DLGAP1: variants seen among roughly 807,000 people sequenced by gnomAD.
DLGAP1 encodes DLG associated protein 1.
In DLGAP1, 11 loss-of-function variants were observed where a neutral mutation model predicts 90.8. The observed-to-expected ratio is 0.12, with a 90% CI of 0.08 to 0.20. The LOEUF (loss-of-function observed/expected upper bound fraction) is 0.20. Among genes scored for constraint, DLGAP1 ranks in the 10% least tolerant of loss-of-function variants. The probability of loss-of-function intolerance (pLI) is 1.00; values close to 1 mark genes in which losing one functional copy is unlikely to be tolerated. For synonymous variants in DLGAP1, 558 were observed against 540.7 expected, an observed-to-expected ratio of 1.03 and a Z score of -0.44; for missense variants, 1,050 against 1,333.8, an observed-to-expected ratio of 0.79 and a Z score of 3.31.
chr18:3,546,359 G>A (rs1344569730), intron 9 of DLGAP1, among the ~76,000 whole-genome samples: 1 of 150,126 alleles, frequency 6.7e-6, no homozygotes, highest in Admixed American at 6.7e-5. Context: ...AGGTTGCAGT[G>A]AGCCAAGATA....
intron 3 of DLGAP1, among the ~76,000 whole-genome samples, chr18:3,980,193 T>C (rs531066673): frequency 4.0e-5 from 6 of 151,518 alleles, no homozygotes; most frequent in East Asian, 3.9e-4. Flanking sequence ...AAAAAGATAA[T>C]GGGAGATAGA....
At chr18:4,348,400 ATGTGTGTGTGTG>A (rs71160958) in intron 1 of DLGAP1, among the ~76,000 whole-genome samples, 48 of 133,564 alleles carry the variant, frequency 3.6e-4, no homozygotes, top group African/African-American at 1.1e-3. Context: ...GAACTCAGGA[ATGTGTGTGTGTG>A]TGTGTGTGTG....
chr18:3,694,382 T>C (rs951377357), intron 7 of DLGAP1, among the ~76,000 whole-genome samples: 2 of 152,238 alleles, frequency 1.3e-5, no homozygotes, highest in Admixed American at 6.5e-5. Context: ...GAATGATTTA[T>C]AATCCTTTGG....
intron 1 of DLGAP1, among the ~76,000 whole-genome samples, chr18:4,407,310 T>C (rs1016010795): frequency 3.3e-5 from 5 of 152,216 alleles, no homozygotes; most frequent in Admixed American, 3.3e-4. Flanking sequence ...TTTTTCCCTT[T>C]AGAGAAAGAG....
At chr18:3,953,555 G>A (rs556293767) in intron 3 of DLGAP1, among the ~76,000 whole-genome samples, 1 of 129,314 alleles carries the variant, frequency 7.7e-6, no homozygotes, top group Admixed American at 8.2e-5. Flanking sequence ...TCATATATAT[G>A]TACACTACAT....
At chr18:3,745,415 C>T (rs16945338) in intron 5 of DLGAP1, among the ~76,000 whole-genome samples, 3,000 of 152,186 alleles carry the variant, frequency 0.02, 82 homozygotes, top group African/African-American at 0.06. Context: ...GATTTCCTTA[C>T]GGAGTTTAGA....
chr18:4,197,179 A>T (rs1247992904), intron 1 of DLGAP1, among the ~76,000 whole-genome samples: 1 of 146,480 alleles, frequency 6.8e-6, no homozygotes, highest in Non-Finnish European at 1.5e-5. Flanking sequence ...TCTCAAATTT[A>T]AAAAAAAGTA....
intron 1 of DLGAP1, among the ~76,000 whole-genome samples, chr18:4,347,236 C>A (rs190019700): frequency 6.6e-6 from 1 of 151,852 alleles, no homozygotes; most frequent in African/African-American, 2.4e-5. Flanking sequence ...ACAACCAGGC[C>A]CAGATAGTGT....
intron 1 of DLGAP1, among the ~76,000 whole-genome samples, chr18:4,301,926 T>G (rs1267498224): frequency 6.6e-6 from 1 of 152,200 alleles, no homozygotes; most frequent in Admixed American, 6.5e-5. Context: ...TGTTGGTCAT[T>G]TGCATGACTT....
At chr18:3,659,024 C>T (rs1359637198) in intron 7 of DLGAP1, among the ~76,000 whole-genome samples, 1 of 152,196 alleles carries the variant, frequency 6.6e-6, no homozygotes, top group East Asian at 1.9e-4. Context: ...TTAAGAAAAA[C>T]GTGTGATTCA....
chr18:4,409,906 C>T (rs2144600470), intron 1 of DLGAP1, among the ~76,000 whole-genome samples: 1 of 152,136 alleles, frequency 6.6e-6, no homozygotes. Context: ...GGAACCAAAC[C>T]AATGACCGTC....
At position 3,498,263 on chromosome 18, in the gene DLGAP1, A is replaced by G. The variant is rs371552304; in HGVS notation, c.*922T>C. ...AATAGAACCAACACTTTCCCTTTAA[A>G]AACAGCCGCCACGACAACAATATAA... On this transcript the variant is annotated 3_prime_UTR_variant, in exon 13 of 13. Coordinates refer to ENST00000315677, the MANE Select transcript of DLGAP1 (RefSeq NM_004746.4). 5 of 152,210 alleles carry G rather than the reference A, an allele frequency of 3.3e-5. No homozygotes were observed. Among genetic ancestry groups the G allele is most frequent in the African/African-American group, 9.7e-5 (4 of 41,440 alleles). 9.4% of individuals were successfully genotyped at this position (152,210 alleles called of 1,614,324 possible). A position where few individuals can be genotyped will look rare whatever the true frequency, so the allele number is the denominator to read the frequency against.
chr18:4,234,598 T>G (rs889546037), intron 1 of DLGAP1, among the ~76,000 whole-genome samples: 1 of 152,240 alleles, frequency 6.6e-6, no homozygotes, highest in Non-Finnish European at 1.5e-5. Context: ...AAATATTTTA[T>G]ATAATACAGG....
chr18:4,014,677 C>T (rs34619647), intron 2 of DLGAP1, among the ~76,000 whole-genome samples: 6,201 of 152,252 alleles, frequency 0.041, 166 homozygotes, highest in East Asian at 0.059. Context: ...ATATGTACAA[C>T]TGTTGTATAT....
chr18:4,233,227 G>A (rs1403072739), intron 1 of DLGAP1, among the ~76,000 whole-genome samples: 1 of 152,018 alleles, frequency 6.6e-6, no homozygotes, highest in African/African-American at 2.4e-5. Flanking sequence ...TCCCACTTAT[G>A]TTCTATCCCT....
At chr18:3,563,475 GT>G (rs34564118) in intron 9 of DLGAP1, among the ~76,000 whole-genome samples, 133,164 of 137,786 alleles carry the variant, frequency 0.97, 64,421 homozygotes, top group Middle Eastern at 1. Flanking sequence ...TGTTTTTTTG[GT>G]TTTTTTTTTT....
chr18:3,748,826 G>A (rs1359378564), intron 5 of DLGAP1, among the ~76,000 whole-genome samples: 10 of 152,124 alleles, frequency 6.6e-5, no homozygotes, highest in Admixed American at 6.6e-4. Context: ...TAGTCAATCT[G>A]CTTTGGTAAA....
At chr18:3,655,777 A>T in intron 7 of DLGAP1, 1 of 322,224 alleles carries the variant, frequency 3.1e-6, no homozygotes, top group Non-Finnish European at 5.7e-6. Context: ...GACTATGTCC[A>T]GCCTCAAATA....
chr18:3,646,893 T>C lies in DLGAP1; in HGVS notation c.1592-64645A>G, dbSNP rs539089038. On this transcript the variant is annotated intron_variant, in intron 7 of 12. Transcript: ENST00000315677. ...TGAGCCAAGATCGAACTACTGCACT[T>C]CAGCCTGGGCAACAGGGCGAGACTC... 5.9e-3 allele frequency among the ~76,000 whole-genome samples: 896 copies of C among 151,286 alleles called. 9 individuals are homozygous for C. The highest frequency in any genetic ancestry group is 0.021 in the African/African-American group (844 of 41,066).
Sources: allele counts gnomAD v4.1 joint callset (sites outside exome capture counted in the v4.1 genomes callset), GRCh38; gene constraint gnomAD v4.1.1; transcripts MANE v1.5; gene names NCBI Gene and HGNC (gene_info 2026-07-23, HGNC 2026-07-21).